RIOK1: variants seen among roughly 807,000 people sequenced by gnomAD.
The protein encoded by RIOK1 is RIO kinase 1.
A neutral mutation model predicts 73.5 loss-of-function variants in RIOK1; 66 were observed. That is an observed-to-expected ratio of 0.90 (90% CI 0.74 to 1.10). The LOEUF (loss-of-function observed/expected upper bound fraction) is 1.10, where lower values mean the gene tolerates loss of function less well. RIOK1 is among the 50% of genes least tolerant of loss of function. RIOK1 has a pLI of 0.00. For missense variants in RIOK1, 658 were observed against 699.8 expected, an observed-to-expected ratio of 0.94 and a Z score of 0.67; for synonymous variants, 224 against 226.8, an observed-to-expected ratio of 0.99 and a Z score of 0.11.
rs1203152978 is a variant in RIOK1, at chr6:7,417,472, C to T, written c.*31C>T. On this transcript the variant is annotated 3_prime_UTR_variant, in exon 17 of 17. Coordinates refer to ENST00000379834, the MANE Select transcript of RIOK1 (RefSeq NM_031480.3). Reference sequence around the variant, plus strand: ...GAACCATATTATGTACAGTCATTTTCCTCAGTTCCTTTTCTCGCCTGAACT... The same window carrying T: ...GAACCATATTATGTACAGTCATTTTTCTCAGTTCCTTTTCTCGCCTGAACT... 2 of 1,352,212 alleles carry T rather than the reference C, an allele frequency of 1.5e-6. No individual in the cohort carries two copies. The highest frequency in any genetic ancestry group is 2.0e-6 in the Non-Finnish European group (2 of 990,758). The allele number at this position is 1,352,212 out of a possible 1,614,324, so 83.8% of individuals were successfully genotyped here.
Position 7,414,173 on chromosome 6 carries a change from TAAC to T in RIOK1, c.1444-57_1444-55del. On this transcript the variant is annotated intron_variant, in intron 15 of 16. Coordinates refer to ENST00000379834, the MANE Select transcript of RIOK1 (RefSeq NM_031480.3). ...ATCTGAATTCTGGCATTAACACATTTAACAACAACACATAACTTGGTTTGTGTG... is the reference window on the plus strand; with the variant it reads ...ATCTGAATTCTGGCATTAACACATTTAACAACACATAACTTGGTTTGTGTG... 8.1e-6 allele frequency: 12 copies of T among 1,473,174 alleles called. No homozygotes were observed. The South Asian group carries it at 1.3e-4, about 16-fold the overall frequency. The allele number at this position is 1,473,174 out of a possible 1,614,324, so 91.3% of individuals were successfully genotyped here.
In RIOK1 at chr6:7,398,741, G is replaced by A; in HGVS notation, c.480+1G>A. 2 of 1,609,198 alleles carry A rather than the reference G, an allele frequency of 1.2e-6. No individual in the cohort carries two copies. Among genetic ancestry groups the A allele is most frequent in the South Asian group, 1.1e-5 (1 of 90,282 alleles). ...GGCAGACAGAGCAACTGTAGAACAG[G>A]TACAATTTAAATGTGTTGCAAACTC... On this transcript the variant is annotated splice_donor_variant, in intron 5 of 16. Transcript: ENST00000379834. LOFTEE classifies it high-confidence loss of function.
rs1458821479 is a variant in RIOK1 at position 7,410,442 on chromosome 6, G to T, written c.1260G>T (p.Val420=). ...TKEERSSQDH[V]DEEVFKRAYI... Reference sequence around the variant, plus strand: ...AAGAACGGTCTAGCCAAGATCATGTGGATGAAGAGGTAGGATTTATTATCT... The same window carrying T: ...AAGAACGGTCTAGCCAAGATCATGTTGATGAAGAGGTAGGATTTATTATCT... Residue 420 remains valine (V), a synonymous_variant, in exon 13 of 17, where the codon GTG becomes GTT. Transcript: ENST00000379834. 1 of 1,608,414 alleles carries T rather than the reference G, an allele frequency of 6.2e-7. No homozygotes were observed. The highest frequency in any genetic ancestry group is 8.5e-7 in the Non-Finnish European group (1 of 1,175,290).
At chr6:7,405,742 A>G (rs1251238089) in intron 12 of RIOK1, among the ~76,000 whole-genome samples, 2 of 151,692 alleles carry the variant, frequency 1.3e-5, no homozygotes, top group Non-Finnish European at 2.9e-5. Context: ...TGAAGAATCA[A>G]AAATACAGCA....
At chr6:7,403,203 T>G (rs1164919091) in intron 8 of RIOK1, among the ~76,000 whole-genome samples, 1 of 152,234 alleles carries the variant, frequency 6.6e-6, no homozygotes, top group Non-Finnish European at 1.5e-5. Flanking sequence ...GAATTTATAC[T>G]GAGGATAATA....
rs1761947427 is a variant in RIOK1 at position 7,414,193 on chromosome 6, G to A, written c.1444-45G>A. 2.6e-6 allele frequency: 4 copies of A among 1,539,730 alleles called. 1 individual carries two copies. In the African/African-American group the frequency reaches 5.6e-5, roughly 21 times the overall value. ...ACATTTAACAACAACACATAACTTG[G>A]TTTGTGTGTTGTTTAGAATAACATG... On this transcript the variant is annotated intron_variant, in intron 15 of 16. Transcript: ENST00000379834.
intron 7 of RIOK1, 41 bp downstream of exon 7, chr6:7,402,756 T>A (rs1318981435): frequency 6.2e-7 from 1 of 1,603,034 alleles, no homozygotes; most frequent in Non-Finnish European, 8.5e-7. Flanking sequence ...TAATTTCTAT[T>A]TCCTAAAACA....
At chr6:7,416,792 C>T (rs1197004761) in intron 16 of RIOK1, among the ~76,000 whole-genome samples, 3 of 151,912 alleles carry the variant, frequency 2.0e-5, no homozygotes, top group Non-Finnish European at 4.4e-5. Flanking sequence ...TGCCCTCCTG[C>T]CTGGGTGACA....
In RIOK1 at chr6:7,410,530, A is replaced by T. The variant is rs1392992933; in HGVS notation, c.1269+79A>T. The T allele has an allele frequency of 4.6e-6, 4 of 873,640 alleles. No individual in the cohort carries two copies. The African/African-American group carries it at 6.8e-5, about 15-fold the overall frequency. The allele number at this position is 873,640 out of a possible 1,614,324, so 54.1% of individuals were successfully genotyped here. A position where few individuals can be genotyped will look rare whatever the true frequency, so the allele number is the denominator to read the frequency against. ...TTTTTTTTTATGTTGCTAGAGCATAAACTTGATTTAAATAGATAAGCAGCT... is the reference window on the plus strand; with the variant it reads ...TTTTTTTTTATGTTGCTAGAGCATATACTTGATTTAAATAGATAAGCAGCT... On this transcript the variant is annotated intron_variant, in intron 13 of 16. Coordinates refer to ENST00000379834, the MANE Select transcript of RIOK1 (RefSeq NM_031480.3).
In RIOK1 at chr6:7,412,914, T is replaced by C. The variant is rs768703385; in HGVS notation, c.1415T>C (p.Leu472Ser). 6.4e-7 allele frequency: 1 copy of C among 1,559,428 alleles called. No homozygotes were observed. Among genetic ancestry groups the C allele is most frequent in the Admixed American group, 2.1e-5 (1 of 47,400 alleles). The change falls in exon 15 of 17, where the codon TTG becomes TCG. Residue 472 changes from leucine to serine, a missense_variant. Transcript: ENST00000379834. ...DNILYQTVTG[L>S]KKDLSGVQKV... ...ATTCTATACCAGACTGTTACAGGAT[T>C]GAAGAAAGATTTGTCAGGAGTTCAG...
intron 3 of RIOK1, 138 bp from the exon 4 acceptor site, chr6:7,396,565 T>C (rs1419668703): frequency 4.2e-6 from 2 of 479,132 alleles, no homozygotes; most frequent in Non-Finnish European, 7.5e-6. Context: ...TTTTCATTAC[T>C]AAACTGTATT....
At chr6:7,394,096 C>G (rs1446477922) in intron 2 of RIOK1, among the ~76,000 whole-genome samples, 2 of 152,178 alleles carry the variant, frequency 1.3e-5, no homozygotes, top group African/African-American at 4.8e-5. Context: ...GTACATCTTC[C>G]TGGAGCATAA....
intron 15 of RIOK1, 127 bp downstream of exon 15, chr6:7,413,069 T>C: frequency 2.0e-6 from 1 of 489,296 alleles, no homozygotes; most frequent in Non-Finnish European, 3.5e-6. Context: ...ATTGTTAAAA[T>C]GTTATAATTG....
Position 7,404,926 on chromosome 6 carries a change from G to C in RIOK1, c.1001G>C (p.Gly334Ala), listed in dbSNP as rs1273359931. The C allele has an allele frequency of 2.5e-6, 4 of 1,613,462 alleles. No homozygotes were observed. The highest frequency in any genetic ancestry group is 1.3e-5 in the African/African-American group (1 of 74,932). The change falls in exon 11 of 17, where the codon GGT becomes GCT. Residue 334 changes from glycine to alanine, a missense_variant. Gly to Ala is a moderately conservative substitution (Grantham distance 60). Coordinates refer to ENST00000379834, the MANE Select transcript of RIOK1 (RefSeq NM_031480.3). ...GTGTCTCTGGCCCATAGGTACCACGGTGGAGGCGTGTATATCATTGACGTG... is the reference window on the plus strand; with the variant it reads ...GTGTCTCTGGCCCATAGGTACCACGCTGGAGGCGTGTATATCATTGACGTG... ...DLSEFNMLYHGGGVYIIDVSQ... is the reference protein window; with the variant it reads ...DLSEFNMLYHAGGVYIIDVSQ...
At chr6:7,401,133 C>A in intron 6 of RIOK1, 83 bp downstream of exon 6, 2 of 855,648 alleles carry the variant, frequency 2.3e-6, no homozygotes, top group Non-Finnish European at 1.9e-6. Context: ...CTACATTATG[C>A]CTTTAAGAAG....
At chr6:7,394,760 C>T (rs866982961) in intron 2 of RIOK1, among the ~76,000 whole-genome samples, 21 of 152,118 alleles carry the variant, frequency 1.4e-4, no homozygotes, top group South Asian at 6.2e-4. Context: ...AGTCTATAAA[C>T]CAGTCAAATT....
intron 2 of RIOK1, among the ~76,000 whole-genome samples, chr6:7,394,199 C>T (rs985764656): frequency 1.3e-5 from 2 of 152,302 alleles, no homozygotes; most frequent in Middle Eastern, 3.4e-3. Flanking sequence ...TTTGGGAGGC[C>T]GAGCTGGGCG....
chr6:7,395,192 C>T (rs1283359616), intron 3 of RIOK1, 49 bp downstream of exon 3: 2 of 1,563,244 alleles, frequency 1.3e-6, no homozygotes, highest in Admixed American at 3.7e-5. Context: ...TTTTCAAAAA[C>T]CATGGAGTGT....
chr6:7,404,332 T>C, intron 9 of RIOK1, 86 bp from the exon 10 acceptor site: 1 of 1,430,092 alleles, frequency 7.0e-7, no homozygotes, highest in East Asian at 2.3e-5. Context: ...ACATGATGAG[T>C]TGTAGAAGAG....
Sources: allele counts gnomAD v4.1 joint callset (sites outside exome capture counted in the v4.1 genomes callset), GRCh38; gene constraint gnomAD v4.1.1; transcripts MANE v1.5; gene names NCBI Gene and HGNC (gene_info 2026-07-23, HGNC 2026-07-21).